The following SLC30A4 variants were observed in gnomAD, a reference collection of about 807,000 sequenced individuals.
SLC30A4 encodes probable proton-coupled zinc antiporter SLC30A4.
SLC30A4 carries 20 observed loss-of-function variants against 41.7 expected under a neutral mutation model. That is an observed-to-expected ratio of 0.48 (90% CI 0.34 to 0.70). SLC30A4 has a LOEUF of 0.70. SLC30A4 is among the 30% of genes least tolerant of loss of function. SLC30A4 has a pLI of 0.01. For synonymous variants in SLC30A4, 181 were observed against 195.9 expected (o/e 0.92, Z 0.64); for missense variants, 441 against 529.3 (o/e 0.83, Z 1.64).
intron 3 of SLC30A4, among the ~76,000 whole-genome samples, chr15:45,508,229 T>C (rs1025716434): frequency 6.6e-6 from 1 of 152,212 alleles, no homozygotes; most frequent in African/African-American, 2.4e-5. Flanking sequence ...ATCTGAATTC[T>C]GGTAAAAGTA....
chr15:45,509,644 G>A (rs1008814241), intron 3 of SLC30A4, among the ~76,000 whole-genome samples: 2 of 152,166 alleles, frequency 1.3e-5, no homozygotes, highest in Non-Finnish European at 1.5e-5. Context: ...CTGAGAGTAC[G>A]GAGGGGTGGG....
rs1014749717 is a variant in SLC30A4 at position 45,484,081 on chromosome 15, A to G, written c.*1082T>C. ...TAAAATATATAATAAAACATAACCC[A>G]TATCATAAAACATAAAATTCTCTCT... On this transcript the variant is annotated 3_prime_UTR_variant, in exon 8 of 8. Transcript: ENST00000261867. 6.6e-6 allele frequency: 1 copy of G among 152,612 alleles called. No homozygotes were observed. Among genetic ancestry groups the G allele is most frequent in the Non-Finnish European group, 1.5e-5 (1 of 68,050 alleles). 9.5% of individuals were successfully genotyped at this position (152,612 alleles called of 1,614,324 possible). A position where few individuals can be genotyped will look rare whatever the true frequency, so the allele number is the denominator to read the frequency against.
chr15:45,499,887 T>G (rs1372042139), intron 3 of SLC30A4, among the ~76,000 whole-genome samples: 1 of 152,210 alleles, frequency 6.6e-6, no homozygotes, highest in Non-Finnish European at 1.5e-5. Context: ...TTATACAATC[T>G]ATGGTCTCAC....
chr15:45,489,161 A>G (rs1891762202), intron 4 of SLC30A4, 119 bp from the exon 5 acceptor site: 4 of 752,324 alleles, frequency 5.3e-6, no homozygotes, highest in Non-Finnish European at 6.5e-6. Context: ...TGGAGCAACT[A>G]TTATTTATCA....
rs750907931 is a variant in SLC30A4 at position 45,488,794 on chromosome 15, T to C, written c.894+47A>G. The C allele has an allele frequency of 3.3e-6, 5 of 1,492,798 alleles. No homozygotes were observed. In the East Asian group the frequency reaches 1.1e-4, roughly 34 times the overall value. The allele number at this position is 1,492,798 out of a possible 1,614,324, so 92.5% of individuals were successfully genotyped here. A position where few individuals can be genotyped will look rare whatever the true frequency, so the allele number is the denominator to read the frequency against. On this transcript the variant is annotated intron_variant, in intron 5 of 7. Transcript: ENST00000261867. ...ATGACAATCAGCCTTAGTTTTCATG[T>C]TGAAATTAAGTACATTTTAAAATAG...
intron 3 of SLC30A4, among the ~76,000 whole-genome samples, chr15:45,498,838 G>A (rs565400900): frequency 1.3e-5 from 2 of 152,232 alleles, no homozygotes; most frequent in East Asian, 3.9e-4. Flanking sequence ...CACTAACTAG[G>A]AGATTATAGG....
chr15:45,482,556 T>G lies in SLC30A4; in HGVS notation c.*2607A>C, dbSNP rs969123085. On this transcript the variant is annotated 3_prime_UTR_variant, in exon 8 of 8. Transcript: ENST00000261867. ...AAAAGTTTACAAGAAACAAGCTCAATAGATATAAAAAAATGATTAGAGTAT... is the reference window on the plus strand; with the variant it reads ...AAAAGTTTACAAGAAACAAGCTCAAGAGATATAAAAAAATGATTAGAGTAT... The G allele has an allele frequency of 1.3e-5, 2 of 152,138 alleles. No homozygotes were observed. The highest frequency in any genetic ancestry group is 1.3e-4 in the Admixed American group (2 of 15,270). 9.4% of individuals were successfully genotyped at this position (152,138 alleles called of 1,614,324 possible). A position where few individuals can be genotyped will look rare whatever the true frequency, so the allele number is the denominator to read the frequency against.
chr15:45,488,771 G>T, intron 5 of SLC30A4, 70 bp downstream of exon 5: 1 of 1,229,150 alleles, frequency 8.1e-7, no homozygotes, highest in South Asian at 1.3e-5. Flanking sequence ...ATACTGATAT[G>T]ACAATCAGCC....
intron 3 of SLC30A4, chr15:45,502,093 C>T (rs1448390392): frequency 6.7e-6 from 1 of 148,990 alleles, no homozygotes; most frequent in Admixed American, 6.7e-5. Flanking sequence ...ATATTAGTGA[C>T]TTTTTACTTT....
At chr15:45,517,785 A>T (rs1028372781) in intron 2 of SLC30A4, among the ~76,000 whole-genome samples, 1 of 151,908 alleles carries the variant, frequency 6.6e-6, no homozygotes, top group African/African-American at 2.4e-5. Flanking sequence ...CGTCTCTACT[A>T]AAAATACAAA....
chr15:45,507,963 T>G (rs1892196085), intron 3 of SLC30A4, among the ~76,000 whole-genome samples: 1 of 152,164 alleles, frequency 6.6e-6, no homozygotes, highest in South Asian at 2.1e-4. Flanking sequence ...AAGGAAATGC[T>G]GGAAGGATAA....
chr15:45,486,108 C>T (rs192348796), intron 7 of SLC30A4, among the ~76,000 whole-genome samples: 126 of 146,008 alleles, frequency 8.6e-4, no homozygotes, highest in African/African-American at 2.9e-3. Flanking sequence ...CTGCAACCTC[C>T]GCTTCATGAG....
At chr15:45,493,760 G>A (rs1348280203) in intron 3 of SLC30A4, among the ~76,000 whole-genome samples, 1 of 152,040 alleles carries the variant, frequency 6.6e-6, no homozygotes, top group Non-Finnish European at 1.5e-5. Flanking sequence ...TGGGAGGGTG[G>A]AGATTGCAGT....
intron 2 of SLC30A4, among the ~76,000 whole-genome samples, chr15:45,513,071 A>C (rs893281044): frequency 2.6e-4 from 40 of 152,230 alleles, no homozygotes; most frequent in African/African-American, 9.6e-4. Context: ...AGGCTGAGGC[A>C]GGCGGATCAC....
At chr15:45,521,932 T>C (rs1566885152) in intron 2 of SLC30A4, 32 bp downstream of exon 2, 2 of 1,593,742 alleles carry the variant, frequency 1.3e-6, no homozygotes, top group South Asian at 2.3e-5. Flanking sequence ...CGAGGAAAGG[T>C]AAACGGAAAG....
rs142134009 is a variant in SLC30A4 at position 45,503,097 on chromosome 15, T to G, written c.538+8041A>C. Reference sequence around the variant, plus strand: ...ATCAGTTTCTATACACCTTCACATGTGTAATATACTTTTATTGAATACTAG... The same window carrying G: ...ATCAGTTTCTATACACCTTCACATGGGTAATATACTTTTATTGAATACTAG... On this transcript the variant is annotated intron_variant, in intron 3 of 7. Transcript: ENST00000261867. 2.6e-5 allele frequency: 4 copies of G among 152,186 alleles called. No homozygotes were observed. The East Asian group carries it at 7.7e-4, about 29-fold the overall frequency. 9.4% of individuals were successfully genotyped at this position (152,186 alleles called of 1,614,324 possible).
intron 3 of SLC30A4, among the ~76,000 whole-genome samples, 161 bp downstream of exon 3, chr15:45,510,977 T>C (rs949817384): frequency 6.6e-6 from 1 of 152,242 alleles, no homozygotes; most frequent in African/African-American, 2.4e-5. Context: ...CTAGGCTAAA[T>C]GTACCCTGGA....
intron 3 of SLC30A4, among the ~76,000 whole-genome samples, chr15:45,508,959 T>C (rs1231681030): frequency 1.3e-5 from 2 of 152,172 alleles, no homozygotes; most frequent in Non-Finnish European, 2.9e-5. Context: ...TTATTGCATG[T>C]TTCTGAGGGA....
chr15:45,512,179 C>G (rs187845793), intron 2 of SLC30A4, among the ~76,000 whole-genome samples: 58 of 152,242 alleles, frequency 3.8e-4, no homozygotes, highest in Admixed American at 3.5e-3. Flanking sequence ...CATTGTGTGT[C>G]TGTATTGTCC....
Sources: allele counts gnomAD v4.1 joint callset (sites outside exome capture counted in the v4.1 genomes callset), GRCh38; gene constraint gnomAD v4.1.1; transcripts MANE v1.5; gene names NCBI Gene and HGNC (gene_info 2026-07-23, HGNC 2026-07-21).